The following FHIT variants were observed in gnomAD, a reference collection of about 807,000 sequenced individuals.
FHIT encodes fragile histidine triad diadenosine triphosphatase.
A neutral mutation model predicts 17.9 loss-of-function variants in FHIT; 19 were observed. The ratio of observed to expected loss-of-function variants is 1.06; its 90% CI spans 0.74 to 1.56. FHIT has a LOEUF of 1.56. FHIT is among the 40% of genes most tolerant of loss of function. FHIT has a pLI of 0.00. For missense variants in FHIT, 248 were observed against 189.2 expected (o/e 1.31, Z -1.82); for synonymous variants, 81 against 69.7 (o/e 1.16, Z -0.81).
intron 3 of FHIT, among the ~76,000 whole-genome samples, chr3:61,026,410 A>G (rs1364090309): frequency 1.3e-5 from 2 of 152,228 alleles, no homozygotes; most frequent in Admixed American, 6.5e-5. Flanking sequence ...CAAGAAGTCA[A>G]GAAGAAACAG....
chr3:59,971,996 G>GAC (rs1708207848), intron 7 of FHIT, among the ~76,000 whole-genome samples: 1 of 152,108 alleles, frequency 6.6e-6, no homozygotes, highest in Non-Finnish European at 1.5e-5. Context: ...GCCCTGTGCA[G>GAC]ACATGCCTTG....
rs143962444 is a variant in FHIT, at chr3:60,945,870, A to G, written c.-111+96177T>C. ...TGAGGTACAGGTGAAGATATAAAAT[A>G]GTTTTCTCAGAAAGTAGAAGTATTA... On this transcript the variant is annotated intron_variant, in intron 3 of 9. Transcript: ENST00000492590. Among the ~76,000 whole-genome samples, 333 of 152,322 alleles carry G rather than the reference A, an allele frequency of 2.2e-3. 2 individuals carry two copies. Among genetic ancestry groups the G allele is most frequent in the African/African-American group, 7.8e-3 (324 of 41,566 alleles).
intron 5 of FHIT, among the ~76,000 whole-genome samples, chr3:60,352,653 C>T (rs943591827): frequency 6.6e-6 from 1 of 152,036 alleles, no homozygotes. Context: ...AGTTGTCCAC[C>T]ACCACAGTCA....
At chr3:61,029,048 T>C (rs1343643460) in intron 3 of FHIT, among the ~76,000 whole-genome samples, 1 of 152,136 alleles carries the variant, frequency 6.6e-6, no homozygotes, top group Non-Finnish European at 1.5e-5. Context: ...AAATATACAC[T>C]CATTCCTCAT....
intron 5 of FHIT, among the ~76,000 whole-genome samples, chr3:60,315,827 G>C (rs1709140469): frequency 6.6e-6 from 1 of 152,156 alleles, no homozygotes; most frequent in African/African-American, 2.4e-5. Flanking sequence ...AAAGTTGCTG[G>C]ATCGCAGGGC....
chr3:60,022,774 G>A (rs1559556389), intron 5 of FHIT, among the ~76,000 whole-genome samples: 3 of 152,112 alleles, frequency 2.0e-5, no homozygotes, highest in South Asian at 2.1e-4. Context: ...AAATATTAGC[G>A]TGTATACCAA....
intron 2 of FHIT, among the ~76,000 whole-genome samples, chr3:61,165,069 C>CT (rs2037798783): frequency 6.6e-6 from 1 of 152,142 alleles, no homozygotes; most frequent in Non-Finnish European, 1.5e-5. Context: ...GATTCCATGT[C>CT]TTTGCTATTG....
chr3:60,184,615 T>C (rs548022546), intron 5 of FHIT, among the ~76,000 whole-genome samples: 17 of 152,294 alleles, frequency 1.1e-4, no homozygotes, highest in Non-Finnish European at 1.8e-4. Context: ...GGTTGAAGTA[T>C]TGTTTATTCA....
intron 4 of FHIT, among the ~76,000 whole-genome samples, chr3:60,738,880 A>G (rs2042186669): frequency 6.6e-6 from 1 of 152,210 alleles, no homozygotes. Flanking sequence ...TTTTGTACCC[A>G]AACGGTTGCC....
intron 3 of FHIT, among the ~76,000 whole-genome samples, chr3:60,903,835 T>A (rs1057098845): frequency 3.3e-5 from 5 of 152,154 alleles, no homozygotes; most frequent in Non-Finnish European, 7.4e-5. Flanking sequence ...AATGAGGAAG[T>A]CAGGTTTTTC....
chr3:60,255,893 G>A (rs1705967013), intron 5 of FHIT, among the ~76,000 whole-genome samples: 2 of 152,092 alleles, frequency 1.3e-5, no homozygotes, highest in African/African-American at 2.4e-5. Context: ...ACAAACTGGT[G>A]TTCATGGTTA....
intron 8 of FHIT, among the ~76,000 whole-genome samples, chr3:59,871,950 C>T (rs77303257): frequency 0.017 from 2,524 of 152,190 alleles, 24 homozygotes; most frequent in South Asian, 0.021. Context: ...ATCTAAACAG[C>T]GGTGATAAAT....
chr3:60,879,724 A>T (rs2107119398), intron 3 of FHIT, among the ~76,000 whole-genome samples: 1 of 152,004 alleles, frequency 6.6e-6, no homozygotes, highest in South Asian at 2.1e-4. Context: ...TAGATATTAT[A>T]AAAAATAATT....
At chr3:60,534,321 T>G (rs1489288727) in intron 5 of FHIT, among the ~76,000 whole-genome samples, 2 of 148,176 alleles carry the variant, frequency 1.3e-5, no homozygotes, top group African/African-American at 5.0e-5. Context: ...TAGTCCCAGC[T>G]ACTCGGGAGG....
At chr3:60,103,267 C>G (rs1265292857) in intron 5 of FHIT, among the ~76,000 whole-genome samples, 7 of 152,298 alleles carry the variant, frequency 4.6e-5, no homozygotes, top group Non-Finnish European at 8.8e-5. Context: ...CTATTCCCCT[C>G]CTTAGTTCTT....
intron 8 of FHIT, among the ~76,000 whole-genome samples, chr3:59,792,875 G>A (rs893877630): frequency 6.8e-6 from 1 of 147,622 alleles, no homozygotes; most frequent in Non-Finnish European, 1.5e-5. Context: ...TATTTTTTGG[G>A]GGGGGGGGTC....
chr3:61,104,940 T>A (rs1384141752), intron 2 of FHIT, among the ~76,000 whole-genome samples: 1 of 152,128 alleles, frequency 6.6e-6, no homozygotes, highest in Non-Finnish European at 1.5e-5. Flanking sequence ...CTTTTCTATA[T>A]TGACTATTTT....
intron 5 of FHIT, among the ~76,000 whole-genome samples, chr3:60,143,648 G>A (rs1230614550): frequency 2.0e-5 from 3 of 152,048 alleles, no homozygotes; most frequent in African/African-American, 7.2e-5. Context: ...ACAAAATGAT[G>A]ACACTTTTTA....
At chr3:60,842,645 ATTTTTTTTT>A (rs1170383044) in intron 3 of FHIT, among the ~76,000 whole-genome samples, 26 of 94,588 alleles carry the variant, frequency 2.7e-4, no homozygotes, top group African/African-American at 1.0e-3. Flanking sequence ...ATATATATAT[ATTTTTTTTT>A]TTTTTTTTTT....
Sources: allele counts gnomAD v4.1 joint callset (sites outside exome capture counted in the v4.1 genomes callset), GRCh38; gene constraint gnomAD v4.1.1; transcripts MANE v1.5; gene names NCBI Gene and HGNC (gene_info 2026-07-23, HGNC 2026-07-21).